MGAT4C: variants seen among roughly 807,000 people sequenced by gnomAD.
MGAT4C encodes alpha-1,3-mannosyl-glycoprotein 4-beta-N-acetylglucosaminyltransferase C.
MGAT4C carries 19 observed loss-of-function variants against 40.1 expected under a neutral mutation model. The ratio of observed to expected loss-of-function variants is 0.47; its 90% CI spans 0.33 to 0.70. The LOEUF is 0.70. Ranked by LOEUF, MGAT4C falls within the 30% of genes least tolerant of loss-of-function variation. MGAT4C has a pLI of 0.02. For missense variants in MGAT4C, 491 were observed against 563.2 expected (o/e 0.87, Z 1.30); for synonymous variants, 181 against 187.1 (o/e 0.97, Z 0.27).
chr12:86,704,093 C>A (rs1950411834), intron 2 of MGAT4C, among the ~76,000 whole-genome samples: 1 of 151,950 alleles, frequency 6.6e-6, no homozygotes, highest in Non-Finnish European at 1.5e-5. Flanking sequence ...ATAATAAGAG[C>A]TAATTATAAT....
intron 2 of MGAT4C, among the ~76,000 whole-genome samples, chr12:86,506,669 T>C (rs1958477426): frequency 6.6e-6 from 1 of 152,160 alleles, no homozygotes; most frequent in African/African-American, 2.4e-5. Flanking sequence ...CAACTTCCAA[T>C]AGCTTAACCA....
At chr12:86,042,136 T>C (rs1252611022) in intron 2 of MGAT4C, among the ~76,000 whole-genome samples, 1 of 152,240 alleles carries the variant, frequency 6.6e-6, no homozygotes, top group African/African-American at 2.4e-5. Context: ...TAGCAATGCC[T>C]GCTTTTTTGT....
chr12:86,118,311 A>C lies in MGAT4C; in HGVS notation c.-56-68588T>G, dbSNP rs560990766. Among the ~76,000 whole-genome samples the C allele has an allele frequency of 2.6e-5, 4 of 152,318 alleles. No homozygotes were observed. In the East Asian group the frequency reaches 7.7e-4, roughly 29 times the overall value. On this transcript the variant is annotated intron_variant, in intron 1 of 4. Transcript: ENST00000611864. Reference sequence around the variant, plus strand: ...ATTGTTCAGGGTCCGGCAAGGAACAAGATCCAAATGTTATAGATGACAAAA... The same window carrying C: ...ATTGTTCAGGGTCCGGCAAGGAACACGATCCAAATGTTATAGATGACAAAA...
intron 2 of MGAT4C, among the ~76,000 whole-genome samples, chr12:86,603,795 A>G (rs1195205716): frequency 8.3e-5 from 2 of 24,010 alleles, no homozygotes; most frequent in Non-Finnish European, 1.5e-4. Flanking sequence ...AATATATAGT[A>G]TATATATTAT....
chr12:86,148,912 TTATA>T (rs1883907093), intron 1 of MGAT4C, among the ~76,000 whole-genome samples: 1 of 152,306 alleles, frequency 6.6e-6, no homozygotes, highest in Admixed American at 6.5e-5. Flanking sequence ...TGTTTGATTT[TTATA>T]TCTCTCCTCA....
At chr12:86,699,408 T>G (rs1370730933) in intron 2 of MGAT4C, among the ~76,000 whole-genome samples, 1 of 152,150 alleles carries the variant, frequency 6.6e-6, no homozygotes. Context: ...TTAGATCAGA[T>G]TTTGATGATA....
At chr12:86,197,107 C>T (rs938251950) in intron 1 of MGAT4C, among the ~76,000 whole-genome samples, 3 of 152,198 alleles carry the variant, frequency 2.0e-5, no homozygotes, top group African/African-American at 7.2e-5. Flanking sequence ...ATTTTACCTT[C>T]CACAAGAGAC....
chr12:86,097,634 A>G (rs918232380), intron 1 of MGAT4C, among the ~76,000 whole-genome samples: 2 of 151,604 alleles, frequency 1.3e-5, no homozygotes, highest in Admixed American at 6.6e-5. Flanking sequence ...AAATTTCATT[A>G]TATTTCAGCA....
chr12:86,515,770 G>T (rs1958674438), intron 2 of MGAT4C, among the ~76,000 whole-genome samples: 1 of 137,598 alleles, frequency 7.3e-6, no homozygotes, highest in African/African-American at 2.8e-5. Flanking sequence ...ACGGAGTCTC[G>T]CTCTGTCTGT....
In MGAT4C at chr12:86,696,164, A is replaced by G. The variant is rs1321430561; in HGVS notation, c.-229+31045T>C. Reference sequence around the variant, plus strand: ...AAGGCAGAGGTTGCAGTGAGCCGAGATCACACCACTGCATTCCAGCCTTCC... The same window carrying G: ...AAGGCAGAGGTTGCAGTGAGCCGAGGTCACACCACTGCATTCCAGCCTTCC... On this transcript the variant is annotated intron_variant, in intron 2 of 7. Coordinates refer to the MGAT4C transcript ENST00000548651. Among the ~76,000 whole-genome samples the G allele has an allele frequency of 2.0e-5, 3 of 151,326 alleles. No homozygotes were observed. The East Asian group carries it at 5.9e-4, about 30-fold the overall frequency.
intron 3 of MGAT4C, among the ~76,000 whole-genome samples, chr12:86,396,868 A>G (rs938371864): frequency 2.9e-5 from 4 of 136,986 alleles, no homozygotes; most frequent in Non-Finnish European, 4.8e-5. Context: ...TTTTCCAACA[A>G]TATCTTTGCC....
intron 2 of MGAT4C, among the ~76,000 whole-genome samples, chr12:86,599,402 T>C (rs1419054751): frequency 6.6e-6 from 1 of 152,154 alleles, no homozygotes; most frequent in Non-Finnish European, 1.5e-5. Flanking sequence ...AAAATAGCCA[T>C]TGGCAGAAAT....
chr12:86,764,580 C>G (rs1393156328), intron 1 of MGAT4C, among the ~76,000 whole-genome samples: 1 of 61,950 alleles, frequency 1.6e-5, no homozygotes, highest in East Asian at 4.9e-4. Flanking sequence ...GTCCCTGACC[C>G]CTGACCCCTG....
rs1160568978 is a variant in MGAT4C at position 86,583,556 on chromosome 12, C to G, written c.-229+143653G>C. Among the ~76,000 whole-genome samples, 62 of 151,156 alleles carry G rather than the reference C, an allele frequency of 4.1e-4. No homozygotes were observed. The Admixed American group carries it at 4.1e-3, about 10-fold the overall frequency. Reference sequence around the variant, plus strand: ...ATAAATACCAACATTAGCTTTCAAGCCTTGCATTTCCAAGTTTAATACTGT... The same window carrying G: ...ATAAATACCAACATTAGCTTTCAAGGCTTGCATTTCCAAGTTTAATACTGT... On this transcript the variant is annotated intron_variant, in intron 2 of 7. Coordinates refer to the MGAT4C transcript ENST00000548651.
chr12:86,775,704 T>G (rs1024447715), intron 1 of MGAT4C, among the ~76,000 whole-genome samples: 4 of 151,748 alleles, frequency 2.6e-5, no homozygotes, highest in African/African-American at 9.7e-5. Flanking sequence ...ACATGGATAG[T>G]AACCTTTGAA....
At chr12:86,637,806 C>T (rs933477523) in intron 2 of MGAT4C, among the ~76,000 whole-genome samples, 2 of 151,794 alleles carry the variant, frequency 1.3e-5, no homozygotes, top group Admixed American at 1.3e-4. Flanking sequence ...CAGATCATAC[C>T]CACGTTATCT....
intron 1 of MGAT4C, among the ~76,000 whole-genome samples, chr12:86,158,896 A>G (rs1885281525): frequency 6.6e-6 from 1 of 152,130 alleles, no homozygotes; most frequent in Admixed American, 6.5e-5. Flanking sequence ...TTGTATCCTA[A>G]AGCTTAACTA....
chr12:86,368,338 A>G (rs1285591644), intron 3 of MGAT4C, among the ~76,000 whole-genome samples: 1 of 152,150 alleles, frequency 6.6e-6, no homozygotes, highest in African/African-American at 2.4e-5. Context: ...ATCTTTCAGC[A>G]TACTAACTCA....
intron 2 of MGAT4C, among the ~76,000 whole-genome samples, chr12:86,013,002 C>T (rs1207468072): frequency 1.3e-5 from 2 of 151,844 alleles, no homozygotes; most frequent in Non-Finnish European, 2.9e-5. Flanking sequence ...TGGCACATGC[C>T]TGTGGTCCTA....
Sources: allele counts gnomAD v4.1 joint callset (sites outside exome capture counted in the v4.1 genomes callset), GRCh38; gene constraint gnomAD v4.1.1; transcripts MANE v1.5; gene names NCBI Gene and HGNC (gene_info 2026-07-23, HGNC 2026-07-21).